Variants in C7 observed in about 807,000 individuals in gnomAD.
The protein encoded by C7 is complement component C7.
C7 carries 83 observed loss-of-function variants against 104.8 expected under a neutral mutation model. The observed-to-expected ratio is 0.79, with a 90% CI of 0.66 to 0.95. C7 has a LOEUF of 0.95. Ranked by LOEUF, C7 falls within the 40% of genes least tolerant of loss-of-function variation. The pLI is 0.00. For missense variants in C7, 1,070 were observed against 1,011.2 expected, an observed-to-expected ratio of 1.06 and a Z score of -0.79; for synonymous variants, 415 against 360.6, an observed-to-expected ratio of 1.15 and a Z score of -1.71.
chr5:40,957,911 A>G (rs963467451), intron 10 of C7, 122 bp from the exon 11 acceptor site: 36 of 593,950 alleles, frequency 6.1e-5, no homozygotes, highest in African/African-American at 5.8e-4. Context: ...ATAAGAAACA[A>G]TTGTAACAAA....
intron 1 of C7, among the ~76,000 whole-genome samples, chr5:40,916,486 T>C (rs1739319274): frequency 6.6e-6 from 1 of 152,188 alleles, no homozygotes; most frequent in Non-Finnish European, 1.5e-5. Flanking sequence ...TTCATTCAGG[T>C]TTTCTCTCCT....
At chr5:40,936,835 G>A (rs1739828094) in intron 5 of C7, among the ~76,000 whole-genome samples, 1 of 152,092 alleles carries the variant, frequency 6.6e-6, no homozygotes, top group Admixed American at 6.6e-5. Flanking sequence ...ATAATGTGGG[G>A]CTATTCAAGA....
intron 15 of C7, among the ~76,000 whole-genome samples, chr5:40,974,186 T>G (rs1299069074): frequency 6.6e-6 from 1 of 152,176 alleles, no homozygotes; most frequent in African/African-American, 2.4e-5. Flanking sequence ...TGAAGCTCTA[T>G]ATCCATTAAA....
At chr5:40,917,981 T>C (rs1311545487) in intron 1 of C7, among the ~76,000 whole-genome samples, 1 of 152,144 alleles carries the variant, frequency 6.6e-6, no homozygotes, top group Non-Finnish European at 1.5e-5. Flanking sequence ...AGTTAAGTTG[T>C]AATCACCTTG....
At chr5:40,949,212 A>T (rs1740113053) in intron 8 of C7, among the ~76,000 whole-genome samples, 1 of 152,128 alleles carries the variant, frequency 6.6e-6, no homozygotes, top group African/African-American at 2.4e-5. Flanking sequence ...TTTTTATTTA[A>T]ATATAATCAT....
At position 40,977,611 on chromosome 5, in the gene C7, C is replaced by G. The variant is rs374419501; in HGVS notation, c.2165+771C>G. On this transcript the variant is annotated intron_variant, in intron 16 of 17. Coordinates refer to ENST00000313164, the MANE Select transcript of C7 (RefSeq NM_000587.4). ...TTAGGGACTTCAGAGGTCCCACAGG[C>G]GTGAGCCAGGGGCATAAACACCTCA... Among the ~76,000 whole-genome samples the G allele has an allele frequency of 5.3e-5, 8 of 152,248 alleles. No homozygotes were observed. In the South Asian group the frequency reaches 1.4e-3, roughly 28 times the overall value.
intron 9 of C7, 63 bp from the exon 10 acceptor site, chr5:40,955,324 A>C: frequency 6.6e-7 from 1 of 1,504,992 alleles, no homozygotes; most frequent in Non-Finnish European, 9.0e-7. Context: ...ATGTCATACA[A>C]TTTGATAGTT....
Position 40,976,742 on chromosome 5 carries a change from T to A in C7, c.2075-8T>A, listed in dbSNP as rs1390140842. 4 of 1,579,602 alleles carry A rather than the reference T, an allele frequency of 2.5e-6. No individual in the cohort carries two copies. The highest frequency in any genetic ancestry group is 3.4e-6 in the Non-Finnish European group (4 of 1,160,628). ...CCTAACGACCACATCTCCCTTATCC[T>A]TTTTTAGAAAATCCGTTAACACAGG... On this transcript the variant is annotated splice_region_variant and splice_polypyrimidine_tract_variant and intron_variant, in intron 15 of 17. Transcript: ENST00000313164.
At chr5:40,928,683 G>A (rs973200094) in intron 2 of C7, 48 bp downstream of exon 2, 6 of 1,224,162 alleles carry the variant, frequency 4.9e-6, no homozygotes, top group Non-Finnish European at 1.2e-6. Context: ...TTTAAAAAAT[G>A]TTTTAGTAAT....
Position 40,984,091 on chromosome 5 carries a change from G to A in C7, c.*2518G>A, listed in dbSNP as rs1441712303. 6.6e-6 allele frequency among the ~76,000 whole-genome samples: 1 copy of A among 152,170 alleles called. No homozygotes were observed. The highest frequency in any genetic ancestry group is 1.9e-4 in the East Asian group (1 of 5,190). On this transcript the variant is annotated 3_prime_UTR_variant, in exon 18 of 18. Coordinates refer to ENST00000313164, the MANE Select transcript of C7 (RefSeq NM_000587.4). ...TTACCTGGGCAGAGAAGGTGCCTGA[G>A]AATATTTCCTAATCGTTTTGAGAAG...
At chr5:40,959,335 A>G in intron 11 of C7, 114 bp from the exon 12 acceptor site, 1 of 886,256 alleles carries the variant, frequency 1.1e-6, no homozygotes, top group Non-Finnish European at 1.7e-6. Context: ...GAGTGAAGGT[A>G]ATCAATATCC....
intron 10 of C7, among the ~76,000 whole-genome samples, chr5:40,957,087 T>C (rs1740304149): frequency 6.6e-6 from 1 of 152,232 alleles, no homozygotes; most frequent in Non-Finnish European, 1.5e-5. Context: ...TCGCAACAGC[T>C]TGGGCTCTCA....
chr5:40,976,706 G>C, intron 15 of C7, 44 bp from the exon 16 acceptor site: 2 of 1,392,480 alleles, frequency 1.4e-6, no homozygotes, highest in Non-Finnish European at 2.0e-6. Flanking sequence ...TTACTATGAA[G>C]AGGCTTTTCT....
Position 40,928,335 on chromosome 5 carries a change from G to A in C7, c.7-245G>A, listed in dbSNP as rs138280378. 3.5e-4 allele frequency among the ~76,000 whole-genome samples: 54 copies of A among 152,222 alleles called. 1 individual carries two copies. The highest frequency in any genetic ancestry group is 8.9e-4 in the African/African-American group (37 of 41,552). On this transcript the variant is annotated intron_variant, in intron 1 of 17. Transcript: ENST00000313164. ...TCTATTGTACAGCGTGGTGAATATA[G>A]TTAAATTGGGGTATCATACATTTCA...
intron 8 of C7, among the ~76,000 whole-genome samples, chr5:40,948,920 A>G (rs1237347857): frequency 4.0e-5 from 6 of 151,136 alleles, no homozygotes; most frequent in Non-Finnish European, 1.5e-5. Flanking sequence ...CCACTGAGCT[A>G]TTTTTTTTTG....
intron 1 of C7, among the ~76,000 whole-genome samples, chr5:40,920,820 G>A (rs1161264353): frequency 6.6e-6 from 1 of 152,160 alleles, no homozygotes; most frequent in African/African-American, 2.4e-5. Flanking sequence ...AGGCCAAGGA[G>A]GGTGGATCAC....
chr5:40,944,220 T>A (rs941018853), intron 6 of C7, among the ~76,000 whole-genome samples: 22 of 152,214 alleles, frequency 1.4e-4, no homozygotes, highest in African/African-American at 5.1e-4. Context: ...ATTTGAATAT[T>A]TATATAGAAC....
chr5:40,972,087 C>A, intron 14 of C7: 1 of 492,414 alleles, frequency 2.0e-6, no homozygotes, highest in Non-Finnish European at 3.9e-6. Flanking sequence ...TAAGTGACAG[C>A]TGTGAAAAGT....
chr5:40,913,429 A>AG (rs1739253662), intron 1 of C7, among the ~76,000 whole-genome samples: 5 of 152,060 alleles, frequency 3.3e-5, no homozygotes. Flanking sequence ...AATAGTATAT[A>AG]TTGGTGGGAA....
Sources: gnomAD v4.1 joint callset for allele counts (sites outside exome capture counted in the v4.1 genomes callset) on GRCh38, gnomAD v4.1.1 for gene constraint, MANE v1.5 for transcripts, NCBI Gene and HGNC (gene_info 2026-07-23, HGNC 2026-07-21) for gene names.